Variants in RAMP1 observed in about 807,000 individuals in gnomAD.
The protein encoded by RAMP1 is receptor activity modifying protein 1, also known as receptor activity-modifying protein 1.
RAMP1 carries 7 observed loss-of-function variants against 8.2 expected under a neutral mutation model. That is an observed-to-expected ratio of 0.85 (90% CI 0.49 to 1.60). The LOEUF (loss-of-function observed/expected upper bound fraction) is 1.60. Ranked by LOEUF, RAMP1 falls within the 40% of genes most tolerant of loss-of-function variation. RAMP1 has a pLI of 0.00. For missense variants in RAMP1, 192 were observed against 202.4 expected (o/e 0.95, Z 0.31); for synonymous variants, 92 against 84.7 (o/e 1.09, Z -0.47).
chr2:237,859,685 G>T lies in RAMP1; in HGVS notation c.10G>T (p.Ala4Ser). The T allele has an allele frequency of 6.6e-7, 1 of 1,511,046 alleles. No homozygotes were observed. Among genetic ancestry groups the T allele is most frequent in the South Asian group, 1.3e-5 (1 of 79,868 alleles). 93.6% of individuals were successfully genotyped at this position (1,511,046 alleles called of 1,614,324 possible). MARALCRLPRRGLW... is the reference protein window; with the variant it reads MARSLCRLPRRGLW... ...GGCACCGCTGTGCACCATGGCCCGGGCCCTGTGCCGCCTCCCGCGGCGCGG... is the reference window on the plus strand; with the variant it reads ...GGCACCGCTGTGCACCATGGCCCGGTCCCTGTGCCGCCTCCCGCGGCGCGG... Residue 4 changes from alanine (A) to serine (S), a missense_variant, in exon 1 of 3, where the codon GCC becomes TCC. Transcript: ENST00000254661.
chr2:237,871,498 C>T (rs779843417), intron 1 of RAMP1, among the ~76,000 whole-genome samples: 20 of 152,164 alleles, frequency 1.3e-4, no homozygotes, highest in Admixed American at 2.6e-4. Context: ...AGGGACAGAT[C>T]GTGGCAACTG....
chr2:237,909,267 T>C (rs919663640), intron 2 of RAMP1, among the ~76,000 whole-genome samples: 4 of 152,138 alleles, frequency 2.6e-5, no homozygotes, highest in Admixed American at 2.6e-4. Flanking sequence ...CTGGCAGCCC[T>C]CCAGCCTTCC....
At chr2:237,903,021 CTTTA>C (rs904469110) in intron 2 of RAMP1, among the ~76,000 whole-genome samples, 5 of 152,096 alleles carry the variant, frequency 3.3e-5, no homozygotes, top group South Asian at 2.1e-4. Flanking sequence ...CTTTTCAAAA[CTTTA>C]TTTATTTATT....
intron 2 of RAMP1, among the ~76,000 whole-genome samples, chr2:237,883,677 A>C (rs1230681137): frequency 6.6e-6 from 1 of 151,958 alleles, no homozygotes; most frequent in South Asian, 2.1e-4. Context: ...TTAGCTGTAC[A>C]TGGTGTTGGA....
chr2:237,903,602 TCAATCTC>T (rs2062627274), intron 2 of RAMP1, among the ~76,000 whole-genome samples: 1 of 152,120 alleles, frequency 6.6e-6, no homozygotes. Flanking sequence ...CACTGCAGCC[TCAATCTC>T]CCACCTCCCT....
chr2:237,889,802 T>G (rs1269271024), intron 2 of RAMP1, among the ~76,000 whole-genome samples: 3 of 152,186 alleles, frequency 2.0e-5, no homozygotes, highest in African/African-American at 7.2e-5. Context: ...TAATTTTTAT[T>G]TTTTTGTAGA....
At chr2:237,874,644 G>C (rs2151007227) in intron 1 of RAMP1, 1 of 984,730 alleles carries the variant, frequency 1.0e-6, no homozygotes, top group South Asian at 4.7e-5. Context: ...TTCCACTCCA[G>C]GCAGGATAGC....
chr2:237,906,393 G>A (rs550361458), intron 2 of RAMP1, among the ~76,000 whole-genome samples: 3 of 152,264 alleles, frequency 2.0e-5, no homozygotes, highest in Admixed American at 6.5e-5. Flanking sequence ...AACAGTGACC[G>A]TACGATAGGG....
chr2:237,878,808 A>T lies in RAMP1; in HGVS notation c.191+1446A>T, dbSNP rs994562299. On this transcript the variant is annotated intron_variant, in intron 2 of 2. Transcript: ENST00000254661. This position sits in a 1 kb window ranked among gnomAD's most constrained non-coding sequence, Gnocchi z 5.7. ...GGTATATGCAGGTGTGCATGCTGGG[A>T]TTTAAAACAACAGAAACTCCGTACC... Among the ~76,000 whole-genome samples, 4 of 152,228 alleles carry T rather than the reference A, an allele frequency of 2.6e-5. No homozygotes were observed. Among genetic ancestry groups the T allele is most frequent in the Non-Finnish European group, 4.4e-5 (3 of 68,034 alleles).
rs976200914 is a variant in RAMP1, at chr2:237,864,279, C to T, written c.52+4552C>T. ...AGGACTGTCTTGAGTCTGACACCACCTGGGAGGAGAAAAGTCAGTGATTTG... is the reference window on the plus strand; with the variant it reads ...AGGACTGTCTTGAGTCTGACACCACTTGGGAGGAGAAAAGTCAGTGATTTG... On this transcript the variant is annotated intron_variant, in intron 1 of 2. Transcript: ENST00000254661. Among the ~76,000 whole-genome samples, 5 of 152,338 alleles carry T rather than the reference C, an allele frequency of 3.3e-5. No homozygotes were observed. In the South Asian group the frequency reaches 1.0e-3, roughly 32 times the overall value.
chr2:237,883,242 G>A (rs1452797404), intron 2 of RAMP1, among the ~76,000 whole-genome samples: 1 of 152,146 alleles, frequency 6.6e-6, no homozygotes, highest in Non-Finnish European at 1.5e-5. Context: ...CTTGGTATAT[G>A]GCAGAGGGAA....
At position 237,897,915 on chromosome 2, in the gene RAMP1, C is replaced by T. The variant is rs182623238; in HGVS notation, c.192-13613C>T. ...CCGAGTTCAAGCCATTCTCCTGCCT[C>T]AGCCTCCTGAGTAGATGGGACCACA... On this transcript the variant is annotated intron_variant, in intron 2 of 2. Transcript: ENST00000254661. Among the ~76,000 whole-genome samples, 168 of 152,288 alleles carry T rather than the reference C, an allele frequency of 1.1e-3. 2 individuals carry two copies. Among genetic ancestry groups the T allele is most frequent in the South Asian group, 1.9e-3 (9 of 4,814 alleles).
chr2:237,868,577 CAAAAAAAAAAAACA>C (rs1463953148), intron 1 of RAMP1, among the ~76,000 whole-genome samples: 15 of 89,444 alleles, frequency 1.7e-4, no homozygotes, highest in African/African-American at 2.4e-4. Context: ...CTCCCCCCAC[CAAAAAAAAAAAACA>C]AAAAAAAAAA....
chr2:237,865,890 A>G lies in RAMP1; in HGVS notation c.52+6163A>G, dbSNP rs368377517. Among the ~76,000 whole-genome samples, 31 of 152,104 alleles carry G rather than the reference A, an allele frequency of 2.0e-4. No homozygotes were observed. In the South Asian group the frequency reaches 5.8e-3, roughly 29 times the overall value. On this transcript the variant is annotated intron_variant, in intron 1 of 2. Coordinates refer to ENST00000254661, the MANE Select transcript of RAMP1 (RefSeq NM_005855.4). This position sits in a 1 kb window ranked among gnomAD's most constrained non-coding sequence, Gnocchi z 4.2. ...TGGCAGGGTCCTTTGCAGGAGAGGC[A>G]GCGGCGAAAGCTGCCCTTAGGAGGC...
chr2:237,902,180 G>C (rs2062605784), intron 2 of RAMP1, among the ~76,000 whole-genome samples: 1 of 152,218 alleles, frequency 6.6e-6, no homozygotes, highest in South Asian at 2.1e-4. Flanking sequence ...AAGGGCCCGG[G>C]GTCTTCAGTG....
chr2:237,875,782 G>A (rs943579298), intron 1 of RAMP1, among the ~76,000 whole-genome samples: 2 of 152,116 alleles, frequency 1.3e-5, no homozygotes, highest in East Asian at 1.9e-4. Context: ...TGTGGGATCC[G>A]TTCACCCTGA....
At position 237,877,565 on chromosome 2, in the gene RAMP1, C is replaced by T. The variant is rs1474200955; in HGVS notation, c.191+203C>T. Among the ~76,000 whole-genome samples the T allele has an allele frequency of 6.6e-6, 1 of 152,106 alleles. No individual in the cohort carries two copies. The highest frequency in any genetic ancestry group is 1.5e-5 in the Non-Finnish European group (1 of 68,000). Reference sequence around the variant, plus strand: ...GAAGAGTGACGGTGGGAGGAGGCCACGTCCTCAATAATCTGGTCTGGGGAT... The same window carrying T: ...GAAGAGTGACGGTGGGAGGAGGCCATGTCCTCAATAATCTGGTCTGGGGAT... On this transcript the variant is annotated intron_variant, in intron 2 of 2. Transcript: ENST00000254661. The surrounding 1 kb of genome is among the most constrained non-coding windows in gnomAD (Gnocchi z 4.4).
intron 1 of RAMP1, among the ~76,000 whole-genome samples, chr2:237,868,210 A>C (rs1162752019): frequency 2.0e-5 from 3 of 151,812 alleles, no homozygotes; most frequent in Admixed American, 1.3e-4. Context: ...TGTCCAGCTA[A>C]TTTTTGTATT....
intron 2 of RAMP1, among the ~76,000 whole-genome samples, chr2:237,910,904 AAC>A (rs1161303715): frequency 3.3e-5 from 5 of 151,844 alleles, no homozygotes; most frequent in East Asian, 3.9e-4. Flanking sequence ...CACACAGAAT[AAC>A]ACAGTCATCC....
Sources: allele counts gnomAD v4.1 joint callset (sites outside exome capture counted in the v4.1 genomes callset), GRCh38; gene constraint gnomAD v4.1.1; non-coding constraint Gnocchi (gnomAD v3.1); transcripts MANE v1.5; gene names NCBI Gene and HGNC (gene_info 2026-07-23, HGNC 2026-07-21).